Variants in TECTA observed in about 807,000 individuals in gnomAD.
TECTA encodes tectorin alpha.
In TECTA, 128 loss-of-function variants were observed where a neutral mutation model predicts 216.8. The observed-to-expected ratio is 0.59, with a 90% CI of 0.51 to 0.68. The LOEUF (loss-of-function observed/expected upper bound fraction) is 0.68. TECTA is among the 30% of genes least tolerant of loss of function. The pLI, the probability that TECTA is intolerant of heterozygous loss-of-function variation, is 0.00. For synonymous variants in TECTA, 1,089 were observed against 1,117.1 expected (o/e 0.97, Z 0.50); for missense variants, 2,551 against 2,786.2 (o/e 0.92, Z 1.90).
At chr11:121,143,222 CCAGGCCCTCCCCACCTGTGCATTTTCA>C (rs1292087311) in intron 11 of TECTA, among the ~76,000 whole-genome samples, 2 of 152,182 alleles carry the variant, frequency 1.3e-5, no homozygotes, top group Admixed American at 1.3e-4. Flanking sequence ...CCTTCATGAT[CCAGGCCCTCCCCACCTGTGCATTTTCA>C]TCTCCCACCA....
intron 3 of TECTA, 90 bp from the exon 4 acceptor site, chr11:121,109,121 A>G: frequency 6.9e-7 from 1 of 1,451,990 alleles, no homozygotes; most frequent in South Asian, 1.2e-5. Flanking sequence ...GTTTTCATTC[A>G]TACAGTTAGG....
intron 12 of TECTA, among the ~76,000 whole-genome samples, chr11:121,152,443 C>G (rs984296758): frequency 2.0e-5 from 3 of 152,124 alleles, no homozygotes; most frequent in East Asian, 1.9e-4. Context: ...CTTGAAGAAC[C>G]AGGAATTTGG....
chr11:121,113,619 G>A lies in TECTA; in HGVS notation c.691G>A (p.Val231Met), dbSNP rs754983456. 8 of 1,613,964 alleles carry A rather than the reference G, an allele frequency of 5.0e-6. No homozygotes were observed. Among genetic ancestry groups the A allele is most frequent in the South Asian group, 2.2e-5 (2 of 91,048 alleles). ...CCCGGGGTCAAGAACCCCCGAGATC[G>A]TGAATATCCAGGAGACCACAAACGT... ...SLPGSRTPEI[V>M]NIQETTNVNV... The change falls in exon 6 of 24, where the codon GTG becomes ATG. Residue 231 changes from valine to methionine, a missense_variant. Val to Met is a conservative substitution (Grantham distance 21). Transcript: ENST00000392793. The surrounding 1 kb of genome is among the most constrained non-coding windows in gnomAD (Gnocchi z 4.2).
At chr11:121,124,441 A>T (rs1192730986) in intron 7 of TECTA, among the ~76,000 whole-genome samples, 1 of 149,856 alleles carries the variant, frequency 6.7e-6, no homozygotes, top group Non-Finnish European at 1.5e-5. Context: ...CCCTTCCCCC[A>T]CTCTTCCTTT....
At chr11:121,176,477 G>A (rs555666459) in intron 20 of TECTA, among the ~76,000 whole-genome samples, 1 of 118,476 alleles carries the variant, frequency 8.4e-6, no homozygotes, top group Non-Finnish European at 1.6e-5. Context: ...GAAATTCTGG[G>A]TTGAAAATTC....
At position 121,118,325 on chromosome 11, in the gene TECTA, G is replaced by C; in HGVS notation, c.810G>C (p.Gly270=). ...CTSRGQFLRR[G]EVFWDDLNCT... is the part of the protein sequence containing the mutation. Reference sequence around the variant, plus strand: ...CCCCAGGACAATTCCTTCGGCGAGGGGAGGTGTTTTGGGATGACTTGAACT... The same window carrying C: ...CCCCAGGACAATTCCTTCGGCGAGGCGAGGTGTTTTGGGATGACTTGAACT... The change falls in exon 7 of 24, where the codon GGG becomes GGC. Residue 270 remains glycine, a synonymous_variant. Transcript: ENST00000392793. 6.2e-7 allele frequency: 1 copy of C among 1,614,154 alleles called. No homozygotes were observed. The highest frequency in any genetic ancestry group is 8.5e-7 in the Non-Finnish European group (1 of 1,180,032).
At chr11:121,152,749 A>C in intron 12 of TECTA, 132 bp from the exon 13 acceptor site, 1 of 890,156 alleles carries the variant, frequency 1.1e-6, no homozygotes, top group Non-Finnish European at 1.7e-6. Flanking sequence ...TAATGAAGAA[A>C]GGCGGCAGAC....
chr11:121,130,987 G>C (rs577398615), intron 10 of TECTA, among the ~76,000 whole-genome samples: 1 of 148,860 alleles, frequency 6.7e-6, no homozygotes, highest in African/African-American at 2.6e-5. Context: ...GGCAAAGGCA[G>C]GTGGATCACG....
intron 12 of TECTA, among the ~76,000 whole-genome samples, chr11:121,147,695 G>C (rs1946852093): frequency 2.6e-5 from 4 of 152,150 alleles, no homozygotes; most frequent in Admixed American, 2.6e-4. Context: ...GGTGCAGAAT[G>C]GGGAAGCTGT....
At chr11:121,184,045 T>G (rs1947257559) in intron 20 of TECTA, among the ~76,000 whole-genome samples, 1 of 152,174 alleles carries the variant, frequency 6.6e-6, no homozygotes, top group Non-Finnish European at 1.5e-5. Context: ...CATCTTCGCC[T>G]CCCAAAGTGC....
chr11:121,122,690 AAAAG>A lies in TECTA; in HGVS notation c.1204-2607_1204-2604del, dbSNP rs1331944645. ...GTCTCTCCAAAAAAAAAAAAAAAAA[AAAAG>A]AAAGCCAAAATAGCCAGGTGTTGTG... On this transcript the variant is annotated intron_variant, in intron 7 of 23. Transcript: ENST00000392793. Among the ~76,000 whole-genome samples the A allele has an allele frequency of 2.8e-4, 41 of 146,458 alleles. 1 individual carries two copies. Among genetic ancestry groups the A allele is most frequent in the South Asian group, 4.4e-4 (2 of 4,514 alleles).
intron 11 of TECTA, among the ~76,000 whole-genome samples, chr11:121,141,945 G>A (rs115950053): frequency 0.013 from 1,908 of 152,310 alleles, 45 homozygotes; most frequent in African/African-American, 0.042. Flanking sequence ...GAGCACAGAG[G>A]AGGGGTTACC....
Position 121,188,008 on chromosome 11 carries a change from T to C in TECTA, c.6162+14T>C. ...TCCTGTAAAATCGTAAGTGAGAGTGTGAAAACAAAGTGCTTAGCCTTATTT... is the reference window on the plus strand; with the variant it reads ...TCCTGTAAAATCGTAAGTGAGAGTGCGAAAACAAAGTGCTTAGCCTTATTT... On this transcript the variant is annotated intron_variant, in intron 21 of 23. Transcript: ENST00000392793. The C allele has an allele frequency of 6.2e-7, 1 of 1,613,946 alleles. No homozygotes were observed. The highest frequency in any genetic ancestry group is 2.2e-5 in the East Asian group (1 of 44,894).
In TECTA at chr11:121,158,029, CGA is replaced by C; in HGVS notation, c.4495_4496del (p.Asp1499ArgfsTer51). On this transcript the variant is annotated frameshift_variant, in exon 14 of 24. Coordinates refer to ENST00000392793, the MANE Select transcript of TECTA (RefSeq NM_005422.4). LOFTEE classifies it high-confidence loss of function. ...CCGGCGGCGGCGTCTTCCGCACCTT[CGA>C]CGGCGCCTTCCTGCGCTTCCCAGCC... ...AAGGGVFRTF[D>X]GAFLRFPANC... 1 of 1,613,158 alleles carries C rather than the reference CGA, an allele frequency of 6.2e-7. No homozygotes were observed. Among genetic ancestry groups the C allele is most frequent in the Non-Finnish European group, 8.5e-7 (1 of 1,179,940 alleles).
At chr11:121,109,138 T>A (rs1270632544) in intron 3 of TECTA, 73 bp from the exon 4 acceptor site, 5 of 1,543,014 alleles carry the variant, frequency 3.2e-6, no homozygotes, top group Non-Finnish European at 4.5e-6. Flanking sequence ...TAGGCGAATG[T>A]CTGTCTTGGT....
intron 12 of TECTA, among the ~76,000 whole-genome samples, chr11:121,148,835 C>G (rs918137279): frequency 6.6e-6 from 1 of 152,140 alleles, no homozygotes; most frequent in African/African-American, 2.4e-5. Context: ...AATCTTGTAA[C>G]CTAAGTTGAA....
intron 13 of TECTA, among the ~76,000 whole-genome samples, chr11:121,154,471 C>A (rs1388604156): frequency 2.0e-5 from 3 of 152,210 alleles, no homozygotes; most frequent in Admixed American, 6.5e-5. Context: ...TTAATGAATT[C>A]TGTTTTCTCA....
intron 21 of TECTA, among the ~76,000 whole-genome samples, chr11:121,188,838 A>C (rs1947313623): frequency 6.6e-6 from 1 of 152,128 alleles, no homozygotes; most frequent in African/African-American, 2.4e-5. Context: ...ATCAGAAATG[A>C]AGGAGAGGTT....
intron 6 of TECTA, among the ~76,000 whole-genome samples, chr11:121,114,651 A>G (rs865815106): frequency 8.0e-4 from 38 of 47,348 alleles, no homozygotes; most frequent in South Asian, 2.5e-3. Flanking sequence ...CCACCCATCC[A>G]TCCACCTACC....
Sources: allele counts gnomAD v4.1 joint callset (sites outside exome capture counted in the v4.1 genomes callset), GRCh38; gene constraint gnomAD v4.1.1; non-coding constraint Gnocchi (gnomAD v3.1); transcripts MANE v1.5; gene names NCBI Gene and HGNC (gene_info 2026-07-23, HGNC 2026-07-21).